CNOT1: variants seen among roughly 807,000 people sequenced by gnomAD.
CNOT1 encodes CCR4-associated factor 1.
In CNOT1, 15 loss-of-function variants were observed where a neutral mutation model predicts 273.8. The ratio of observed to expected loss-of-function variants is 0.05; its 90% CI spans 0.04 to 0.08. The LOEUF is 0.08. Ranked by LOEUF, CNOT1 falls within the 10% of genes least tolerant of loss-of-function variation. The pLI, the probability that CNOT1 is intolerant of heterozygous loss-of-function variation, is 1.00. For missense variants in CNOT1, 1,644 were observed against 2,912.2 expected (o/e 0.56, Z 10.02); for synonymous variants, 1,022 against 1,005.5 (o/e 1.02, Z -0.31).
chr16:58,523,789 T>C (rs903261034), intron 46 of CNOT1: 2 of 258,768 alleles, frequency 7.7e-6, no homozygotes, highest in Non-Finnish European at 1.5e-5. Context: ...ACTAAGTCTT[T>C]CTACATTTTG....
At chr16:58,565,493 T>C (rs1002641951) in intron 16 of CNOT1, among the ~76,000 whole-genome samples, 1 of 152,170 alleles carries the variant, frequency 6.6e-6, no homozygotes, top group Non-Finnish European at 1.5e-5. Context: ...TTAACAATGA[T>C]AAAATAAATA....
chr16:58,587,987 A>C, intron 3 of CNOT1, 109 bp from the exon 4 acceptor site: 2 of 1,095,614 alleles, frequency 1.8e-6, no homozygotes, highest in Admixed American at 2.7e-5. Flanking sequence ...ATACTGTTAT[A>C]TATTATCAAA....
intron 1 of CNOT1, among the ~76,000 whole-genome samples, chr16:58,622,173 G>T (rs549676766): frequency 2.7e-5 from 4 of 150,912 alleles, no homozygotes; most frequent in Non-Finnish European, 4.4e-5. Context: ...AATTAGCCAG[G>T]CGTGGTGGTG....
chr16:58,552,907 T>C (rs893918039), intron 22 of CNOT1, among the ~76,000 whole-genome samples: 29 of 152,290 alleles, frequency 1.9e-4, no homozygotes, highest in Admixed American at 1.2e-3. Flanking sequence ...TCAGTAATAA[T>C]AACAATCATA....
chr16:58,597,169 G>A (rs1281906705), intron 2 of CNOT1, among the ~76,000 whole-genome samples: 4 of 151,432 alleles, frequency 2.6e-5, no homozygotes, highest in Non-Finnish European at 5.9e-5. Flanking sequence ...AGAAAGATCA[G>A]CCAGGCGTGA....
At chr16:58,567,739 T>C (rs1245608325) in intron 16 of CNOT1, among the ~76,000 whole-genome samples, 1 of 152,160 alleles carries the variant, frequency 6.6e-6, no homozygotes, top group Non-Finnish European at 1.5e-5. Context: ...CACATTAATT[T>C]GCCCTATTAT....
At chr16:58,524,249 C>CAAAAA (rs35148544) in intron 46 of CNOT1, among the ~76,000 whole-genome samples, 6 of 82,356 alleles carry the variant, frequency 7.3e-5, no homozygotes, top group East Asian at 3.4e-4. Context: ...GACTCTATCG[C>CAAAAA]AAAAAAAAAA....
At chr16:58,610,143 C>A (rs955790418) in intron 1 of CNOT1, among the ~76,000 whole-genome samples, 1 of 152,192 alleles carries the variant, frequency 6.6e-6, no homozygotes, top group African/African-American at 2.4e-5. Flanking sequence ...CCTGGCTGGG[C>A]AAGGCGGCTC....
At chr16:58,608,041 T>C (rs2042751084) in intron 1 of CNOT1, among the ~76,000 whole-genome samples, 1 of 151,690 alleles carries the variant, frequency 6.6e-6, no homozygotes, top group Admixed American at 6.6e-5. Context: ...CCAGGTGTGG[T>C]AGCTAGCACC....
intron 47 of CNOT1, among the ~76,000 whole-genome samples, chr16:58,521,551 G>A (rs142453612): frequency 3.9e-5 from 6 of 152,174 alleles, no homozygotes; most frequent in Non-Finnish European, 8.8e-5. Flanking sequence ...GCAGATAATG[G>A]TATCTACCTC....
chr16:58,586,614 A>C lies in CNOT1; in HGVS notation c.568T>G (p.Phe190Val), dbSNP rs781298147. The change falls in exon 7 of 49, where the codon TTT (phenylalanine) becomes GTT (valine). Residue 190 changes from phenylalanine to valine, a missense_variant. This residue lies in a region of CNOT1 where 706 missense variants were observed against 1,021.2 expected (regional missense o/e 0.69). Coordinates refer to ENST00000317147, the MANE Select transcript of CNOT1 (RefSeq NM_016284.5). ...VLHLLLSHLLFGQKGAFGVGQ... is the reference protein window; with the variant it reads ...VLHLLLSHLLVGQKGAFGVGQ... ...ACTCCAAAGGCTCCCTTCTGCCCAA[A>C]GAGGAGATGGGAGAGGAGGAGGTGT... is the stretch of plus-strand genomic sequence containing the variant. 1 of 1,612,568 alleles carries C rather than the reference A, an allele frequency of 6.2e-7. No homozygotes were observed. The highest frequency in any genetic ancestry group is 8.5e-7 in the Non-Finnish European group (1 of 1,179,668).
At chr16:58,599,738 G>A (rs1171659511) in intron 1 of CNOT1, among the ~76,000 whole-genome samples, 5 of 152,092 alleles carry the variant, frequency 3.3e-5, no homozygotes, top group Admixed American at 6.6e-5. Context: ...GATAAGAAAT[G>A]CCAGGTTTCT....
chr16:58,596,717 C>G (rs1345796142), intron 2 of CNOT1, among the ~76,000 whole-genome samples: 1 of 151,820 alleles, frequency 6.6e-6, no homozygotes, highest in East Asian at 1.9e-4. Context: ...GAAACCCCGT[C>G]TCTACTAAAA....
At chr16:58,548,710 C>A in intron 25 of CNOT1, 1 of 444,714 alleles carries the variant, frequency 2.2e-6, no homozygotes, top group Non-Finnish European at 4.4e-6. Context: ...GTTTTTCCTC[C>A]TAAGAAATAA....
chr16:58,575,580 C>A (rs1488043875), intron 14 of CNOT1, among the ~76,000 whole-genome samples: 4 of 151,996 alleles, frequency 2.6e-5, no homozygotes, highest in Admixed American at 2.0e-4. Flanking sequence ...GGGTGGATCA[C>A]CTAAAGTCAG....
intron 16 of CNOT1, among the ~76,000 whole-genome samples, chr16:58,569,399 AT>A (rs2041182857): frequency 6.6e-6 from 1 of 152,176 alleles, no homozygotes; most frequent in South Asian, 2.1e-4. Flanking sequence ...TGCTGGGATT[AT>A]AGGCTGAAGC....
At chr16:58,531,924 G>A in intron 42 of CNOT1, 34 bp downstream of exon 42, 1 of 1,611,326 alleles carries the variant, frequency 6.2e-7, no homozygotes, top group Non-Finnish European at 8.5e-7. Flanking sequence ...GGTAGTTATA[G>A]TCTTCATCTA....
At chr16:58,576,712 G>A (rs1411269777) in intron 13 of CNOT1, 130 bp from the exon 14 acceptor site, 55 of 1,400,348 alleles carry the variant, frequency 3.9e-5, no homozygotes, top group Non-Finnish European at 5.0e-5. Flanking sequence ...TTAAGTTCAG[G>A]CCTCAAACTA....
intron 1 of CNOT1, among the ~76,000 whole-genome samples, chr16:58,602,033 C>T (rs750050359): frequency 1.7e-4 from 26 of 152,058 alleles, no homozygotes; most frequent in Middle Eastern, 3.4e-3. Flanking sequence ...TCTAGATTCA[C>T]TTTCTTAGTA....
Sources: allele counts gnomAD v4.1 joint callset (sites outside exome capture counted in the v4.1 genomes callset), GRCh38; gene constraint gnomAD v4.1.1; regional missense constraint gnomAD v4.1.1; transcripts MANE v1.5; gene names NCBI Gene and HGNC (gene_info 2026-07-23, HGNC 2026-07-21).